The following SLF1 variants were observed in gnomAD, a reference collection of about 807,000 sequenced individuals.
SLF1 encodes the protein SMC5/6 complex localization factor 1, also known as SMC5-SMC6 complex localization factor protein 1.
A neutral mutation model predicts 123.0 loss-of-function variants in SLF1; 105 were observed. The observed-to-expected ratio is 0.85, with a 90% CI of 0.73 to 1.00. The LOEUF is 1.00. Ranked by LOEUF, SLF1 falls within the 50% of genes least tolerant of loss-of-function variation. SLF1 has a pLI of 0.00. For synonymous variants in SLF1, 434 were observed against 406.6 expected, an observed-to-expected ratio of 1.07 and a Z score of -0.81; for missense variants, 1,239 against 1,223.0, an observed-to-expected ratio of 1.01 and a Z score of -0.20.
rs1417645743 is a variant in SLF1, at chr5:94,696,917, C to G, written c.*1605C>G. On this transcript the variant is annotated 3_prime_UTR_variant, in exon 21 of 21. Transcript: ENST00000265140. The stretch of plus-strand genomic sequence containing the variant: ...ATATTATTTCCTTTCTAATTCTTAC[C>G]TCCTCTTTTGATTATAATGAATCAT... The G allele has an allele frequency of 6.6e-6, 1 of 151,654 alleles. No individual in the cohort carries two copies. Among genetic ancestry groups the G allele is most frequent in the East Asian group, 1.9e-4 (1 of 5,152 alleles). The allele number at this position is 151,654 out of a possible 1,614,324, so 9.4% of individuals were successfully genotyped here.
At chr5:94,666,097 T>C in intron 12 of SLF1, 73 bp downstream of exon 12, 3 of 1,322,608 alleles carry the variant, frequency 2.3e-6, no homozygotes, top group Non-Finnish European at 3.0e-6. Flanking sequence ...TTTAAGATAC[T>C]GATGAAAGAA....
In SLF1 at chr5:94,684,500, C is replaced by T. The variant is rs184949421; in HGVS notation, c.1976-2073C>T. Among the ~76,000 whole-genome samples, 13 of 151,920 alleles carry T rather than the reference C, an allele frequency of 8.6e-5. No individual in the cohort carries two copies. In the East Asian group the frequency reaches 1.2e-3, roughly 14 times the overall value. On this transcript the variant is annotated intron_variant, in intron 15 of 20. Coordinates refer to ENST00000265140, the MANE Select transcript of SLF1 (RefSeq NM_032290.4). ...GATCACAAGGTCAGGAGATTGAGAC[C>T]ATCCTGGCTAACACGGTGAAACCCT...
In SLF1 at chr5:94,651,691, C is replaced by T. The variant is rs1315132354; in HGVS notation, c.739-11C>T. 19 of 1,511,530 alleles carry T rather than the reference C, an allele frequency of 1.3e-5. No homozygotes were observed. Among genetic ancestry groups the T allele is most frequent in the Non-Finnish European group, 1.7e-5 (19 of 1,130,456 alleles). 93.6% of individuals were successfully genotyped at this position (1,511,530 alleles called of 1,614,324 possible). On this transcript the variant is annotated splice_polypyrimidine_tract_variant and intron_variant, in intron 6 of 20. Coordinates refer to ENST00000265140, the MANE Select transcript of SLF1 (RefSeq NM_032290.4). ...CACAGTCTTAACTAAATTATGTTTA[C>T]AAACACGCAGAAAGAAATGCAAAAT... is the stretch of plus-strand genomic sequence containing the variant.
chr5:94,653,456 TTATTTTTTGGCTGTTCTCTGATA>T, intron 8 of SLF1, 35 bp downstream of exon 8: 2 of 1,462,066 alleles, frequency 1.4e-6, no homozygotes, highest in Non-Finnish European at 1.8e-6. Flanking sequence ...GCTTTCTTTT[TTATTTTTTGGCTGTTCTCTGATA>T]TAATCTAGAT....
At position 94,662,385 on chromosome 5, in the gene SLF1, C is replaced by A. The variant is rs773248315; in HGVS notation, c.1209+34C>A. 136 of 1,486,900 alleles carry A rather than the reference C, an allele frequency of 9.1e-5. 1 individual carries two copies. The highest frequency in any genetic ancestry group is 1.0e-4 in the Non-Finnish European group (111 of 1,107,660). The allele number at this position is 1,486,900 out of a possible 1,614,324, so 92.1% of individuals were successfully genotyped here. A position where few individuals can be genotyped will look rare whatever the true frequency, so the allele number is the denominator to read the frequency against. The stretch of plus-strand genomic sequence containing the variant: ...CTTGGAGCAGCATTGGTGATGGGGG[C>A]AAAGAAGAAGTTTTGTGTTTTGTTA... On this transcript the variant is annotated intron_variant, in intron 10 of 20. Coordinates refer to ENST00000265140, the MANE Select transcript of SLF1 (RefSeq NM_032290.4).
Position 94,691,495 on chromosome 5 carries a change from G to T in SLF1, c.2420-69G>T, listed in dbSNP as rs182417035. On this transcript the variant is annotated intron_variant, in intron 18 of 20. Coordinates refer to ENST00000265140, the MANE Select transcript of SLF1 (RefSeq NM_032290.4). ...CATGGGGCCAGATCTCCTAGTTCATGCCCTTTGATTATTTTTTTTAGTTGA... is the reference window on the plus strand; with the variant it reads ...CATGGGGCCAGATCTCCTAGTTCATTCCCTTTGATTATTTTTTTTAGTTGA... The T allele has an allele frequency of 2.3e-4, 298 of 1,296,956 alleles. No individual in the cohort carries two copies. In the African/African-American group the frequency reaches 4.0e-3, roughly 17 times the overall value. The allele number at this position is 1,296,956 out of a possible 1,614,324, so 80.3% of individuals were successfully genotyped here.
In SLF1 at chr5:94,686,670, A is replaced by G; in HGVS notation, c.2073A>G (p.Leu691=). ...AGGCAGTCTTTAAAAAGTTGTGTCT[A>G]CAGAGCTCTGGCAGTGTTTCTTCTG... ...VAEAVFKKLC[L]QSSGSVSSEP... is the part of the protein sequence containing the mutation. Residue 691 remains leucine, a synonymous_variant, in exon 16 of 21, where the codon CTA becomes CTG. Transcript: ENST00000265140. 1.2e-6 allele frequency: 2 copies of G among 1,614,132 alleles called. No homozygotes were observed. The highest frequency in any genetic ancestry group is 8.5e-7 in the Non-Finnish European group (1 of 1,179,980).
At position 94,630,582 on chromosome 5, in the gene SLF1, G is replaced by T. The variant is rs1745092898; in HGVS notation, c.270G>T (p.Trp90Cys). Residue 90 changes from tryptophan to cysteine, a missense_variant, in exon 4 of 21, where the codon TGG becomes TGT. Trp to Cys is a radical substitution (Grantham distance 215). Transcript: ENST00000265140. ...GRWLDETTYEWGYKIEKDSRY... is the reference protein window; with the variant it reads ...GRWLDETTYECGYKIEKDSRY... ...GGCTTGATGAAACAACTTATGAATG[G>T]GGATATAAAATTGAAAAAGATTCCC... is the stretch of plus-strand genomic sequence containing the variant. 6.4e-7 allele frequency: 1 copy of T among 1,551,488 alleles called. No individual in the cohort carries two copies. Among genetic ancestry groups the T allele is most frequent in the East Asian group, 2.4e-5 (1 of 40,916 alleles).
intron 15 of SLF1, among the ~76,000 whole-genome samples, chr5:94,683,047 T>C (rs1752001107): frequency 6.6e-6 from 1 of 152,244 alleles, no homozygotes; most frequent in Admixed American, 6.5e-5. Flanking sequence ...TAAACGTATT[T>C]CTTCTCCAGT....
chr5:94,618,827 G>C (rs1005666218), intron 1 of SLF1, 62 bp downstream of exon 1: 8 of 155,002 alleles, frequency 5.2e-5, no homozygotes, highest in East Asian at 1.9e-4. Context: ...TTTCTTCGCC[G>C]GGCGGTACCT....
chr5:94,666,976 T>TA (rs1554067524), intron 12 of SLF1, among the ~76,000 whole-genome samples: 17 of 134,778 alleles, frequency 1.3e-4, no homozygotes, highest in Admixed American at 2.9e-4. Flanking sequence ...TTTTTTTTTT[T>TA]AATTTAAGTG....
chr5:94,690,782 T>G (rs1270308575), intron 18 of SLF1, among the ~76,000 whole-genome samples: 1 of 152,162 alleles, frequency 6.6e-6, no homozygotes, highest in Non-Finnish European at 1.5e-5. Context: ...TTATTAATCT[T>G]GGTTGTAACA....
chr5:94,630,060 C>T lies in SLF1; in HGVS notation c.191-443C>T, dbSNP rs896985488. 5.3e-5 allele frequency among the ~76,000 whole-genome samples: 8 copies of T among 152,098 alleles called. No homozygotes were observed. The South Asian group carries it at 6.2e-4, about 12-fold the overall frequency. On this transcript the variant is annotated intron_variant, in intron 3 of 20. Coordinates refer to ENST00000265140, the MANE Select transcript of SLF1 (RefSeq NM_032290.4). ...AATTTGTTTTACAGAGTAATAATGC[C>T]GTGAACAATATTGGAAAAGCTGTTA... is the stretch of plus-strand genomic sequence containing the variant.
intron 8 of SLF1, among the ~76,000 whole-genome samples, chr5:94,653,648 G>T (rs1748018380): frequency 2.0e-5 from 3 of 152,048 alleles, no homozygotes; most frequent in Admixed American, 2.0e-4. Flanking sequence ...ATTTTGTTTT[G>T]CCTGAATGTG....
chr5:94,644,855 G>A (rs749242510), intron 5 of SLF1, among the ~76,000 whole-genome samples: 23 of 152,178 alleles, frequency 1.5e-4, no homozygotes, highest in Admixed American at 7.2e-4. Flanking sequence ...CATCGTGTCT[G>A]TCTTTTCCTT....
Position 94,644,036 on chromosome 5 carries a change from C to T in SLF1, c.594+601C>T, listed in dbSNP as rs564806709. ...CTTTATGTCAGAGATCTGGAAATTA[C>T]CCTTAAAATCTTTCTCTCCCTTACT... On this transcript the variant is annotated intron_variant, in intron 5 of 20. Transcript: ENST00000265140. 4.0e-4 allele frequency among the ~76,000 whole-genome samples: 61 copies of T among 152,198 alleles called. 1 individual carries two copies. The South Asian group carries it at 8.3e-3, about 21-fold the overall frequency.
Position 94,670,223 on chromosome 5 carries a change from G to A in SLF1, c.1605G>A (p.Thr535=), listed in dbSNP as rs774988916. The A allele has an allele frequency of 1.8e-5, 27 of 1,517,914 alleles. No homozygotes were observed. In the East Asian group the frequency reaches 1.8e-4, roughly 10 times the overall value. The allele number at this position is 1,517,914 out of a possible 1,614,324, so 94.0% of individuals were successfully genotyped here. A position where few individuals can be genotyped will look rare whatever the true frequency, so the allele number is the denominator to read the frequency against. ...TTGGCTCCAAGGTGCTCCACCTGAC[G>A]CTACTCAAATTTTTCTTTAATTTAA... is the stretch of plus-strand genomic sequence containing the variant. ...ENIGSKVLHL[T]LLKFFFNLIE... The change falls in exon 13 of 21, where the codon ACG becomes ACA. Residue 535 remains threonine (T), a synonymous_variant. Transcript: ENST00000265140.
intron 15 of SLF1, among the ~76,000 whole-genome samples, chr5:94,686,204 C>T (rs111582227): frequency 1.1e-4 from 16 of 152,212 alleles, no homozygotes; most frequent in African/African-American, 3.1e-4. Flanking sequence ...ACTGGTTTTC[C>T]AAAGAAGCAT....
At chr5:94,652,674 T>C (rs1747879690) in intron 7 of SLF1, among the ~76,000 whole-genome samples, 2 of 152,224 alleles carry the variant, frequency 1.3e-5, no homozygotes, top group African/African-American at 4.8e-5. Context: ...TGTATACCTC[T>C]TGGGATACAT....
Sources: allele counts gnomAD v4.1 joint callset (sites outside exome capture counted in the v4.1 genomes callset), GRCh38; gene constraint gnomAD v4.1.1; transcripts MANE v1.5; gene names NCBI Gene and HGNC (gene_info 2026-07-23, HGNC 2026-07-21).